EXD3: variants seen among roughly 807,000 people sequenced by gnomAD.
The protein encoded by EXD3 is exonuclease mut-7 homolog.
Under a neutral mutation model 98.0 loss-of-function variants are expected in EXD3, and 92 were observed. That is an observed-to-expected ratio of 0.94 (90% CI 0.79 to 1.12). The LOEUF (loss-of-function observed/expected upper bound fraction) is 1.12. EXD3 is among the 50% of genes most tolerant of loss of function. EXD3 has a pLI of 0.00. For synonymous variants in EXD3, 569 were observed against 526.0 expected (o/e 1.08, Z -1.12); for missense variants, 1,222 against 1,191.6 (o/e 1.03, Z -0.38).
At chr9:137,367,822 T>C in intron 6 of EXD3, 114 bp downstream of exon 6, 2 of 1,046,386 alleles carry the variant, frequency 1.9e-6, no homozygotes, top group African/African-American at 3.1e-5. Context: ...CCGATGGCCC[T>C]GCTGTCCCCC....
Position 137,324,073 on chromosome 9 carries a change from A to T in EXD3, c.2052+17T>A, listed in dbSNP as rs377289061. ...GATGGGGCTCAGGCCCACTGAGCTT[A>T]TCTTTGGGACACTCACCTTGTGGAA... On this transcript the variant is annotated intron_variant, in intron 18 of 21. Coordinates refer to ENST00000340951, the MANE Select transcript of EXD3 (RefSeq NM_017820.5). The surrounding 1 kb of genome is among the most constrained non-coding windows in gnomAD (Gnocchi z 4.1). 6.3e-7 allele frequency: 1 copy of T among 1,580,142 alleles called. No individual in the cohort carries two copies. Among genetic ancestry groups the T allele is most frequent in the East Asian group, 2.3e-5 (1 of 43,136 alleles).
At chr9:137,317,110 G>C (rs1831715951) in intron 19 of EXD3, among the ~76,000 whole-genome samples, 1 of 152,156 alleles carries the variant, frequency 6.6e-6, no homozygotes, top group South Asian at 2.1e-4. Flanking sequence ...GAAAGGGTCA[G>C]GAGACCCCAG....
chr9:137,381,932 G>A (rs1836295041), intron 3 of EXD3, among the ~76,000 whole-genome samples: 1 of 152,136 alleles, frequency 6.6e-6, no homozygotes, highest in East Asian at 1.9e-4. Context: ...GCGAGGAGGA[G>A]GTGAGAGCAC....
rs544065819 is a variant in EXD3 at position 137,354,816 on chromosome 9, C to T, written c.758-43G>A. On this transcript the variant is annotated intron_variant, in intron 8 of 21. Transcript: ENST00000340951. ...CTCAGCACTGAGGGCTCAGGGCAGCCTCACCACGGCCTCCTTCTGGGGCGG... is the reference window on the plus strand; with the variant it reads ...CTCAGCACTGAGGGCTCAGGGCAGCTTCACCACGGCCTCCTTCTGGGGCGG... The T allele has an allele frequency of 3.9e-5, 62 of 1,574,082 alleles. No homozygotes were observed. The East Asian group carries it at 1.2e-3, about 30-fold the overall frequency.
chr9:137,321,514 C>G (rs535753184), intron 19 of EXD3, among the ~76,000 whole-genome samples: 33 of 152,318 alleles, frequency 2.2e-4, no homozygotes, highest in East Asian at 7.7e-4. Context: ...GAAACCCTGT[C>G]TCTACTAAAA....
intron 1 of EXD3, among the ~76,000 whole-genome samples, chr9:137,399,594 C>T (rs757280880): frequency 1.3e-5 from 2 of 152,130 alleles, no homozygotes; most frequent in Non-Finnish European, 2.9e-5. Context: ...TCTTCCTAAC[C>T]CCCATATTAG....
intron 12 of EXD3, among the ~76,000 whole-genome samples, chr9:137,351,839 G>T (rs971569895): frequency 6.6e-6 from 1 of 152,222 alleles, no homozygotes; most frequent in Non-Finnish European, 1.5e-5. Context: ...GGGATTCCAC[G>T]GCACCTTCCA....
At chr9:137,356,882 C>A (rs912681960) in intron 7 of EXD3, among the ~76,000 whole-genome samples, 1 of 152,182 alleles carries the variant, frequency 6.6e-6, no homozygotes, top group Non-Finnish European at 1.5e-5. Flanking sequence ...CTGGGACTGA[C>A]ACCCCCATGC....
rs376899259 is a variant in EXD3, at chr9:137,349,122, G to A, written c.1818C>T (p.Ala606=). Residue 606 remains alanine (A), a synonymous_variant, in exon 16 of 22, where the codon GCC becomes GCT. Transcript: ENST00000340951. The surrounding 1 kb of genome is among the most constrained non-coding windows in gnomAD (Gnocchi z 7.4). ...PPGLQKASAP[A]APRQVPVAVA... ...GGGCTTCACCCACCTGCCTGGGTGC[G>A]GCCGGTGCTGACGCTTTCTGCAGGC... 44 of 1,597,204 alleles carry A rather than the reference G, an allele frequency of 2.8e-5. No individual in the cohort carries two copies. The highest frequency in any genetic ancestry group is 5.1e-5 in the Admixed American group (3 of 59,374).
In EXD3 at chr9:137,355,450, T is replaced by TGGAGGAAGGAGGAAGGAGGAAGGAGAAAG. The variant is rs1375173621; in HGVS notation, c.758-678_758-677insCTTTCTCCTTCCTCCTTCCTCCTTCCTCC. Among the ~76,000 whole-genome samples the TGGAGGAAGGAGGAAGGAGGAAGGAGAAAG allele has an allele frequency of 4.1e-3, 39 of 9,550 alleles. 1 individual carries two copies. The highest frequency in any genetic ancestry group is 7.1e-3 in the Non-Finnish European group (28 of 3,968). 6.3% of individuals were successfully genotyped at this position (9,550 alleles called of 152,430 possible). On this transcript the variant is annotated intron_variant, in intron 8 of 21. Transcript: ENST00000340951. ...GGAAGGAGGATGGAGGAAGGGAGGA[T>TGGAGGAAGGAGGAAGGAGGAAGGAGAAAG]GGAGGAAGGAGAAAGGAGGAAGGAG...
chr9:137,353,892 C>T (rs1389456279), intron 10 of EXD3: 17 of 992,648 alleles, frequency 1.7e-5, no homozygotes, highest in Middle Eastern at 1.0e-3. Flanking sequence ...TGGGTTCCCA[C>T]GTGGACGACA....
At chr9:137,307,356 AG>A (rs1831100630) in intron 21 of EXD3, 93 bp from the exon 22 acceptor site, 1 of 1,430,960 alleles carries the variant, frequency 7.0e-7, no homozygotes, top group South Asian at 1.5e-5. Flanking sequence ...GCCCACGCTG[AG>A]CCCACGCTCA....
chr9:137,328,176 A>AC (rs1832586630), intron 17 of EXD3, among the ~76,000 whole-genome samples: 2 of 7,658 alleles, frequency 2.6e-4, no homozygotes, highest in Non-Finnish European at 9.3e-4. Flanking sequence ...ACTAATATAC[A>AC]CCAATATGAT....
chr9:137,354,018 T>C (rs888675580), intron 10 of EXD3: 2 of 1,161,586 alleles, frequency 1.7e-6, no homozygotes, highest in Non-Finnish European at 1.1e-6. Context: ...CCAGGCGCCT[T>C]GCACCTCTCT....
chr9:137,391,557 G>C (rs1001544101), intron 2 of EXD3, among the ~76,000 whole-genome samples: 1 of 151,836 alleles, frequency 6.6e-6, no homozygotes, highest in African/African-American at 2.4e-5. Flanking sequence ...CCAGAGGGCC[G>C]GCCTCCCCGC....
chr9:137,313,673 G>A (rs1831482992), intron 19 of EXD3, among the ~76,000 whole-genome samples: 2 of 152,152 alleles, frequency 1.3e-5, no homozygotes, highest in South Asian at 4.1e-4. Context: ...TGGCCTGGGT[G>A]GAACTCCTGC....
chr9:137,342,937 T>C (rs368854555), intron 17 of EXD3, among the ~76,000 whole-genome samples: 3 of 152,084 alleles, frequency 2.0e-5, no homozygotes, highest in East Asian at 3.9e-4. Flanking sequence ...CCGGCCAACA[T>C]GGTGAAACCC....
intron 1 of EXD3, among the ~76,000 whole-genome samples, chr9:137,419,884 G>T (rs917185489): frequency 6.6e-6 from 1 of 152,142 alleles, no homozygotes; most frequent in African/African-American, 2.4e-5. Flanking sequence ...AAGCGGCCGG[G>T]CGCGGTGGCT....
At chr9:137,365,602 T>TGCACACACACGCACACCTGCAG (rs1491105948) in intron 7 of EXD3, 52 of 90,462 alleles carry the variant, frequency 5.7e-4, no homozygotes, top group Non-Finnish European at 1.1e-3. Context: ...CGCACACACA[T>TGCACACACACGCACACCTGCAG]GCACACACAC....
Sources: gnomAD v4.1 joint callset for allele counts (sites outside exome capture counted in the v4.1 genomes callset) on GRCh38, gnomAD v4.1.1 for gene constraint, Gnocchi (gnomAD v3.1) non-coding constraint, MANE v1.5 for transcripts, NCBI Gene and HGNC (gene_info 2026-07-23, HGNC 2026-07-21) for gene names.